Variants in SLC2A9 observed in about 807,000 individuals in gnomAD.
The protein encoded by SLC2A9 is solute carrier family 2, facilitated glucose transporter member 9.
A neutral mutation model predicts 50.6 loss-of-function variants in SLC2A9; 39 were observed. The observed-to-expected ratio is 0.77, with a 90% CI of 0.60 to 1.01. The LOEUF is 1.01. Among genes scored for constraint, SLC2A9 ranks in the 50% least tolerant of loss-of-function variants. SLC2A9 has a pLI of 0.00. For missense variants in SLC2A9, 686 were observed against 677.6 expected, an observed-to-expected ratio of 1.01 and a Z score of -0.14; for synonymous variants, 324 against 276.9, an observed-to-expected ratio of 1.17 and a Z score of -1.69.
intron 8 of SLC2A9, 145 bp from the exon 9 acceptor site, chr4:9,890,856 C>A: frequency 1.4e-6 from 1 of 722,022 alleles, no homozygotes; most frequent in South Asian, 1.5e-5. Flanking sequence ...TTTATGGCCA[C>A]AGCCCTGAAG....
At chr4:9,833,037 C>A (rs1726430909) in intron 11 of SLC2A9, among the ~76,000 whole-genome samples, 1 of 152,132 alleles carries the variant, frequency 6.6e-6, no homozygotes, top group African/African-American at 2.4e-5. Context: ...GATGGGGGAA[C>A]CATGTTGACA....
intron 6 of SLC2A9, among the ~76,000 whole-genome samples, chr4:9,925,524 G>C (rs1240832385): frequency 6.6e-6 from 1 of 152,156 alleles, no homozygotes; most frequent in Non-Finnish European, 1.5e-5. Flanking sequence ...CCCCAGACTA[G>C]TTACCTATTC....
At chr4:9,842,244 T>C (rs1342316007) in intron 10 of SLC2A9, among the ~76,000 whole-genome samples, 1 of 152,212 alleles carries the variant, frequency 6.6e-6, no homozygotes, top group African/African-American at 2.4e-5. Flanking sequence ...TATTAGCTTT[T>C]CAAAGGTAAG....
At chr4:9,841,082 G>A (rs1728003413) in intron 10 of SLC2A9, among the ~76,000 whole-genome samples, 2 of 152,108 alleles carry the variant, frequency 1.3e-5, no homozygotes, top group Admixed American at 6.5e-5. Context: ...ATGAGATTTG[G>A]GTAGGGACAC....
At chr4:9,935,286 T>C (rs1746859376) in intron 6 of SLC2A9, among the ~76,000 whole-genome samples, 1 of 152,162 alleles carries the variant, frequency 6.6e-6, no homozygotes, top group African/African-American at 2.4e-5. Flanking sequence ...AGTGTAAAAG[T>C]GTTCCTATTT....
intron 10 of SLC2A9, among the ~76,000 whole-genome samples, chr4:9,849,567 G>A (rs1164823064): frequency 1.3e-5 from 2 of 152,184 alleles, no homozygotes; most frequent in Non-Finnish European, 2.9e-5. Context: ...TGAATCAATA[G>A]GCTTGAACAT....
chr4:9,786,874 C>T (rs10001006), intron 3 of SLC2A9, among the ~76,000 whole-genome samples: 80,576 of 152,024 alleles, frequency 0.53, 22,624 homozygotes, highest in Non-Finnish European at 0.64. Flanking sequence ...TGCCATCTTG[C>T]GGGTAGAGGC....
intron 1 of SLC2A9, among the ~76,000 whole-genome samples, chr4:10,036,668 C>G (rs1351088458): frequency 1.3e-5 from 2 of 152,184 alleles, no homozygotes; most frequent in Non-Finnish European, 2.9e-5. Context: ...TTTGGGTTTT[C>G]TCCCTTTTTC....
intron 3 of SLC2A9, among the ~76,000 whole-genome samples, chr4:9,988,880 C>G (rs1757194830): frequency 6.6e-6 from 1 of 152,256 alleles, no homozygotes; most frequent in Non-Finnish European, 1.5e-5. Flanking sequence ...GGAGAGCCAC[C>G]TTCCTTCATG....
downstream of SLC2A9, among the ~76,000 whole-genome samples, chr4:9,825,232 G>T (rs980288468): frequency 6.6e-6 from 1 of 152,184 alleles, no homozygotes; most frequent in African/African-American, 2.4e-5. Flanking sequence ...CACACATTAC[G>T]ATGGCAGGCT....
upstream of SLC2A9, among the ~76,000 whole-genome samples, chr4:10,021,664 C>A (rs1763516741): frequency 6.6e-6 from 1 of 150,392 alleles, no homozygotes; most frequent in Non-Finnish European, 1.5e-5. Context: ...GGATTGCCAC[C>A]CAGGGGGTGG....
At chr4:9,859,305 C>T (rs980140784) in intron 10 of SLC2A9, among the ~76,000 whole-genome samples, 9 of 152,176 alleles carry the variant, frequency 5.9e-5, no homozygotes, top group African/African-American at 1.7e-4. Flanking sequence ...GGGTCCTCTC[C>T]GTCAAGGTGA....
intron 11 of SLC2A9, among the ~76,000 whole-genome samples, chr4:9,827,643 T>C (rs965777791): frequency 5.3e-5 from 8 of 152,162 alleles, no homozygotes; most frequent in South Asian, 4.1e-4. Context: ...GTTTCCATGA[T>C]TGAAAAAGAG....
intron 11 of SLC2A9, among the ~76,000 whole-genome samples, chr4:9,827,168 T>A (rs1228368510): frequency 1.3e-5 from 2 of 152,242 alleles, no homozygotes; most frequent in African/African-American, 4.8e-5. Context: ...GTTTTATGTA[T>A]CCTGATTAGT....
intron 10 of SLC2A9, among the ~76,000 whole-genome samples, chr4:9,886,789 G>T (rs1736353909): frequency 6.6e-6 from 1 of 152,190 alleles, no homozygotes; most frequent in Admixed American, 6.5e-5. Flanking sequence ...CCCCTTCTCA[G>T]TCTGACCTTG....
intron 11 of SLC2A9, among the ~76,000 whole-genome samples, chr4:9,831,165 T>A (rs1726081339): frequency 6.6e-6 from 1 of 152,020 alleles, no homozygotes; most frequent in East Asian, 1.9e-4. Flanking sequence ...AGTGAAACAA[T>A]CAAGTTGTGT....
intron 1 of SLC2A9, among the ~76,000 whole-genome samples, chr4:10,029,553 T>G (rs1420537694): frequency 9.1e-6 from 1 of 110,278 alleles, no homozygotes; most frequent in Non-Finnish European, 1.8e-5. Context: ...TTTAAATATT[T>G]TATTTTATTT....
chr4:9,963,152 C>A (rs1752536588), intron 5 of SLC2A9, among the ~76,000 whole-genome samples: 2 of 152,138 alleles, frequency 1.3e-5, no homozygotes, highest in African/African-American at 4.8e-5. Context: ...TGGTGGCAGG[C>A]AAGAGAGAGC....
At chr4:9,885,544 CCGTGTTA>C (rs1178636389) in intron 10 of SLC2A9, among the ~76,000 whole-genome samples, 4 of 152,190 alleles carry the variant, frequency 2.6e-5, no homozygotes, top group Admixed American at 6.5e-5. Context: ...GGGCAGGCTC[CCGTGTTA>C]CGCTGCTCAC....
Sources: allele counts gnomAD v4.1 joint callset (sites outside exome capture counted in the v4.1 genomes callset), GRCh38; gene constraint gnomAD v4.1.1; transcripts MANE v1.5; gene names NCBI Gene and HGNC (gene_info 2026-07-23, HGNC 2026-07-21).